The following TTC27 variants were observed in gnomAD, a reference collection of about 807,000 sequenced individuals.
TTC27 encodes tetratricopeptide repeat domain 27.
In TTC27, 79 loss-of-function variants were observed where a neutral mutation model predicts 115.9. The ratio of observed to expected loss-of-function variants is 0.68; its 90% CI spans 0.57 to 0.82. The LOEUF is 0.82. TTC27 is among the 40% of genes least tolerant of loss of function. The pLI, the probability that TTC27 is intolerant of heterozygous loss-of-function variation, is 0.00. For synonymous variants in TTC27, 401 were observed against 356.0 expected (o/e 1.13, Z -1.42); for missense variants, 1,054 against 993.1 (o/e 1.06, Z -0.82).
chr2:32,813,859 A>G (rs1671395868), intron 18 of TTC27, among the ~76,000 whole-genome samples: 1 of 152,196 alleles, frequency 6.6e-6, no homozygotes, highest in South Asian at 2.1e-4. Context: ...GCTGAGCTCT[A>G]TATAGCTGAA....
At chr2:32,725,703 C>T (rs1400507041) in intron 10 of TTC27, among the ~76,000 whole-genome samples, 3 of 152,298 alleles carry the variant, frequency 2.0e-5, no homozygotes, top group Admixed American at 2.0e-4. Context: ...GATGGTGGCC[C>T]TCTTCTCACA....
chr2:32,657,941 A>G (rs1242621140), intron 5 of TTC27, among the ~76,000 whole-genome samples: 1 of 151,856 alleles, frequency 6.6e-6, no homozygotes, highest in Non-Finnish European at 1.5e-5. Flanking sequence ...GTGATTCTCC[A>G]GCCTCAGCCT....
At chr2:32,797,274 G>C (rs1167597596) in intron 16 of TTC27, among the ~76,000 whole-genome samples, 1 of 151,996 alleles carries the variant, frequency 6.6e-6, no homozygotes, top group African/African-American at 2.4e-5. Flanking sequence ...TGAACTCCGG[G>C]GCTCAAGCAG....
At chr2:32,714,201 C>T (rs2151906940) in intron 10 of TTC27, among the ~76,000 whole-genome samples, 1 of 150,100 alleles carries the variant, frequency 6.7e-6, no homozygotes, top group African/African-American at 2.4e-5. Context: ...CTCTGTCGCC[C>T]AGGCTGGAGT....
chr2:32,704,680 A>G (rs1667306096), intron 10 of TTC27, among the ~76,000 whole-genome samples: 1 of 152,110 alleles, frequency 6.6e-6, no homozygotes, highest in Non-Finnish European at 1.5e-5. Flanking sequence ...CCTTTATTCC[A>G]GAACAATTCC....
Position 32,810,800 on chromosome 2 carries a change from C to G in TTC27, c.1999-224C>G, listed in dbSNP as rs116433241. ...CCTTTGAATGAAAGAAGAACCCTCT[C>G]TGGAAGCTTTTGAAGGGACATCAGA... On this transcript the variant is annotated intron_variant, in intron 16 of 19. Transcript: ENST00000317907. Among the ~76,000 whole-genome samples the G allele has an allele frequency of 5.5e-3, 842 of 152,256 alleles. 10 individuals are homozygous for G. Among genetic ancestry groups the G allele is most frequent in the African/African-American group, 0.019 (796 of 41,550 alleles).
intron 4 of TTC27, among the ~76,000 whole-genome samples, chr2:32,647,118 A>G (rs2151867686): frequency 6.6e-6 from 1 of 151,934 alleles, no homozygotes; most frequent in Middle Eastern, 3.4e-3. Context: ...CTACCTAAAA[A>G]ACAATTTTTG....
intron 12 of TTC27, among the ~76,000 whole-genome samples, chr2:32,757,838 C>T (rs1437176741): frequency 6.6e-6 from 1 of 152,082 alleles, no homozygotes; most frequent in South Asian, 2.1e-4. Context: ...GTTGGGATTA[C>T]AGGCAGGCAC....
chr2:32,728,284 G>A (rs772058071), intron 10 of TTC27, among the ~76,000 whole-genome samples: 1 of 151,980 alleles, frequency 6.6e-6, no homozygotes, highest in African/African-American at 2.4e-5. Context: ...CTTGTGATCC[G>A]CCGGCCTCGG....
chr2:32,776,503 T>C (rs927170817), intron 13 of TTC27, among the ~76,000 whole-genome samples: 1 of 152,224 alleles, frequency 6.6e-6, no homozygotes, highest in African/African-American at 2.4e-5. Context: ...GAGACTTCGA[T>C]CTGCTTATAA....
intron 6 of TTC27, among the ~76,000 whole-genome samples, chr2:32,666,319 GATA>G (rs1355432707): frequency 6.6e-6 from 1 of 151,380 alleles, no homozygotes; most frequent in Non-Finnish European, 1.5e-5. Flanking sequence ...GTGAAAAAGA[GATA>G]ATAATAGTTC....
Position 32,820,835 on chromosome 2 carries a change from C to G in TTC27, c.2429C>G (p.Ala810Gly). 1.3e-6 allele frequency: 2 copies of G among 1,536,082 alleles called. No individual in the cohort carries two copies. Among genetic ancestry groups the G allele is most frequent in the South Asian group, 1.2e-5 (1 of 81,130 alleles). The change falls in exon 20 of 20, where the codon GCA (alanine) becomes GGA (glycine). Residue 810 changes from alanine to glycine, a missense_variant. Physicochemically the swap from Ala to Gly is moderately conservative, Grantham distance 60 (BLOSUM62 0). Coordinates refer to ENST00000317907, the MANE Select transcript of TTC27 (RefSeq NM_017735.5). ...TTACAGCAACTTTTTACAGATGTGG[C>G]AACTGGAGAAATGTCCAGGGAATTA... ...SKAKQLFTDVATGEMSRELAD... is the reference protein window; with the variant it reads ...SKAKQLFTDVGTGEMSRELAD...
At chr2:32,804,848 A>G (rs1485182609) in intron 16 of TTC27, among the ~76,000 whole-genome samples, 1 of 152,108 alleles carries the variant, frequency 6.6e-6, no homozygotes, top group East Asian at 1.9e-4. Flanking sequence ...GATGAACCCA[A>G]TAAGAATTTT....
At chr2:32,706,272 G>A (rs149833350) in intron 10 of TTC27, among the ~76,000 whole-genome samples, 1,949 of 150,872 alleles carry the variant, frequency 0.013, 39 homozygotes, top group African/African-American at 0.046. Context: ...TAGTAGAGAC[G>A]GGGTTTCACC....
intron 7 of TTC27, among the ~76,000 whole-genome samples, chr2:32,667,629 T>C (rs1665836245): frequency 6.6e-6 from 1 of 151,406 alleles, no homozygotes; most frequent in South Asian, 2.1e-4. Flanking sequence ...TTGGTCAGGC[T>C]GGTCTCGAAC....
chr2:32,680,387 T>G (rs1032523928), intron 9 of TTC27, among the ~76,000 whole-genome samples: 1 of 152,202 alleles, frequency 6.6e-6, no homozygotes, highest in Non-Finnish European at 1.5e-5. Flanking sequence ...AATAAAGCCT[T>G]TTTTGTTCTG....
intron 6 of TTC27, among the ~76,000 whole-genome samples, chr2:32,665,442 A>T (rs1665735183): frequency 6.6e-6 from 1 of 152,202 alleles, no homozygotes; most frequent in Non-Finnish European, 1.5e-5. Context: ...TTTTGGGACT[A>T]TTGATGCCAT....
At chr2:32,796,632 A>C (rs959746673) in intron 16 of TTC27, among the ~76,000 whole-genome samples, 25 of 152,210 alleles carry the variant, frequency 1.6e-4, no homozygotes, top group African/African-American at 5.3e-4. Flanking sequence ...GGTTTTTCTC[A>C]GAAATAGAAA....
At chr2:32,692,557 T>C (rs887322667) in intron 9 of TTC27, among the ~76,000 whole-genome samples, 3 of 152,168 alleles carry the variant, frequency 2.0e-5, no homozygotes, top group Non-Finnish European at 4.4e-5. Context: ...AATGGTATAT[T>C]TTATGTTATA....
Sources: allele counts gnomAD v4.1 joint callset (sites outside exome capture counted in the v4.1 genomes callset), GRCh38; gene constraint gnomAD v4.1.1; transcripts MANE v1.5; gene names NCBI Gene and HGNC (gene_info 2026-07-23, HGNC 2026-07-21).